The following DPF1 variants were observed in gnomAD, a reference collection of about 807,000 sequenced individuals.
DPF1 encodes the protein double PHD fingers 1.
In DPF1, 14 loss-of-function variants were observed where a neutral mutation model predicts 58.7. That is an observed-to-expected ratio of 0.24 (90% confidence interval 0.16 to 0.37). The LOEUF is 0.37. Ranked by LOEUF, DPF1 falls within the 10% of genes least tolerant of loss-of-function variation. The pLI, the probability that DPF1 is intolerant of heterozygous loss-of-function variation, is 1.00. For missense variants in DPF1, 345 were observed against 529.9 expected, an observed-to-expected ratio of 0.65 and a Z score of 3.43; for synonymous variants, 216 against 216.0, an observed-to-expected ratio of 1.00 and a Z score of 0.00.
rs2288908 is a variant in DPF1 at position 38,218,896 on chromosome 19, G to A, written c.426+35C>T. 1.1e-3 allele frequency: 1,730 copies of A among 1,611,808 alleles called. 8 individuals carry two copies. The East Asian group carries it at 0.018, about 17-fold the overall frequency. ...TGGTGGCAGGCAGGGGTGAGACGAA[G>A]CCATGCAGCGGGGGTCCCCCAGAGG... On this transcript the variant is annotated intron_variant, in intron 4 of 11. Coordinates refer to ENST00000355526, the MANE Select transcript of DPF1 (RefSeq NM_001135155.3).
upstream of DPF1, chr19:38,224,362 G>A (rs1358621021): frequency 2.6e-6 from 3 of 1,145,868 alleles, no homozygotes; most frequent in East Asian, 6.5e-5. This position sits in a 1 kb window ranked among gnomAD's most constrained non-coding sequence, Gnocchi z 4.5. Context: ...CGGCGCGGAG[G>A]AGGGGCCCGG....
Position 38,219,077 on chromosome 19 carries a change from G to C in DPF1, c.299-19C>G, listed in dbSNP as rs543390923. ...TCACAGTCTGGGGACAGGGCCATGG[G>C]GGGGTCAGATGGGGAAGTTGACCCC... On this transcript the variant is annotated intron_variant, in intron 3 of 11. Transcript: ENST00000355526. The C allele has an allele frequency of 1.9e-6, 3 of 1,612,996 alleles. No homozygotes were observed. The highest frequency in any genetic ancestry group is 1.7e-5 in the Admixed American group (1 of 59,958).
chr19:38,217,337 A>T (rs1967096038), intron 7 of DPF1, 123 bp downstream of exon 7: 1 of 1,311,848 alleles, frequency 7.6e-7, no homozygotes, highest in Non-Finnish European at 1.0e-6. Flanking sequence ...CGGTGGGGGG[A>T]GGGAACGGCT....
At chr19:38,218,866 C>CGGGCTGGTGGCAGGCAGGG in intron 4 of DPF1, 65 bp downstream of exon 4, 1 of 1,599,586 alleles carries the variant, frequency 6.3e-7, no homozygotes, top group Non-Finnish European at 8.5e-7. Flanking sequence ...CGTGAGGGCC[C>CGGGCTGGTGGCAGGCAGGG]GGGCTGGTGG....
intron 4 of DPF1, 125 bp from the exon 5 acceptor site, chr19:38,218,787 G>A: frequency 6.5e-7 from 1 of 1,528,526 alleles, no homozygotes; most frequent in South Asian, 1.2e-5. Flanking sequence ...AAATAGAGAT[G>A]AAGTCTGGGA....
intron 9 of DPF1, among the ~76,000 whole-genome samples, chr19:38,214,646 T>C (rs1973721318): frequency 6.6e-6 from 1 of 152,088 alleles, no homozygotes. Flanking sequence ...CCTTGGCCCC[T>C]GTCTCTTGCT....
chr19:38,216,565 G>T, intron 7 of DPF1, 162 bp from the exon 8 acceptor site: 3 of 748,568 alleles, frequency 4.0e-6, no homozygotes, highest in Non-Finnish European at 5.8e-6. Flanking sequence ...AGTTCTCATC[G>T]GGACTCCCAA....
At chr19:38,226,554 A>G (rs1414197369), upstream of DPF1, among the ~76,000 whole-genome samples, 2 of 127,374 alleles carry the variant, frequency 1.6e-5, no homozygotes, top group African/African-American at 6.1e-5. Context: ...CTAGTCTTAG[A>G]CCCTTTCCAC....
Position 38,216,374 on chromosome 19 carries a change from C to A in DPF1, c.757G>T (p.Glu253Ter). The change falls in exon 8 of 12, where the codon GAG becomes TAG. Residue 253 changes from glutamate (E) to a stop codon, truncating the protein, a stop_gained. Transcript: ENST00000355526. LOFTEE classifies it high-confidence loss of function. ...QFYKELAWVP[E>*]AQRKHTAKKA... is the part of the protein sequence containing the mutation. ...GTACCTGTGTGTTTCCTTTGTGCCT[C>A]AGGGACCCAGGCCAATTCTTTGTAA... 6.3e-7 allele frequency: 1 copy of A among 1,598,058 alleles called. No individual in the cohort carries two copies. Among genetic ancestry groups the A allele is most frequent in the Non-Finnish European group, 8.5e-7 (1 of 1,171,366 alleles).
Position 38,212,102 on chromosome 19 carries a change from G to T in DPF1, c.1125C>A (p.His375Gln). 6.2e-7 allele frequency: 1 copy of T among 1,612,334 alleles called. No individual in the cohort carries two copies. The highest frequency in any genetic ancestry group is 8.5e-7 in the Non-Finnish European group (1 of 1,179,756). ...GSWSCHLCLR[H>Q]LKEKASAYIT... is the part of the protein sequence containing the mutation. ...TGTAAGCAGAAGCCTTTTCCTTCAG[G>T]TGCCGGAGACAGAGGTGACAGCTCC... The change falls in exon 12 of 12, where the codon CAC (histidine) becomes CAA (glutamine). Residue 375 changes from histidine (H) to glutamine (Q), a missense_variant. Coordinates refer to ENST00000355526, the MANE Select transcript of DPF1 (RefSeq NM_001135155.3).
At chr19:38,227,440 C>T (rs1001099715), upstream of DPF1, among the ~76,000 whole-genome samples, 1 of 152,048 alleles carries the variant, frequency 6.6e-6, no homozygotes, top group Non-Finnish European at 1.5e-5. Flanking sequence ...CCTTTCTTTC[C>T]TTCTGCCCTA....
At chr19:38,217,766 C>T in intron 6 of DPF1, 32 bp downstream of exon 6, 1 of 1,613,450 alleles carries the variant, frequency 6.2e-7, no homozygotes, top group Non-Finnish European at 8.5e-7. Context: ...GCACCCCTCT[C>T]TCTGCCTTTC....
At chr19:38,226,411 A>G (rs1262475868), upstream of DPF1, among the ~76,000 whole-genome samples, 3 of 150,944 alleles carry the variant, frequency 2.0e-5, no homozygotes, top group African/African-American at 2.4e-5. Context: ...CCCAGCCGAC[A>G]GAAGTGGCCC....
chr19:38,223,565 C>T (rs1306770910), intron 1 of DPF1, among the ~76,000 whole-genome samples: 2 of 152,138 alleles, frequency 1.3e-5, no homozygotes, highest in Admixed American at 6.6e-5. Context: ...CACAAATACA[C>T]GCAGCCCTAC....
At chr19:38,216,793 C>A (rs1967053008) in intron 7 of DPF1, among the ~76,000 whole-genome samples, 1 of 152,194 alleles carries the variant, frequency 6.6e-6, no homozygotes, top group South Asian at 2.1e-4. Context: ...ACTTGGTAGA[C>A]AGCTTGAGGA....
At chr19:38,226,941 C>T, upstream of DPF1, among the ~76,000 whole-genome samples, 1 of 151,916 alleles carries the variant, frequency 6.6e-6, no homozygotes, top group East Asian at 1.9e-4. Context: ...AACAGTCCTC[C>T]TCTACCAGCA....
Position 38,211,184 on chromosome 19 carries a change from CAACA to C in DPF1, c.*875_*878del, listed in dbSNP as rs1212075976. On this transcript the variant is annotated 3_prime_UTR_variant, in exon 12 of 12. Transcript: ENST00000355526. The surrounding 1 kb of genome is among the most constrained non-coding windows in gnomAD (Gnocchi z 4.0). ...CAGTTTCCCTTTTTTAAAACCCGAA[CAACA>C]AACACACACAACCACAAGAAACAAC... The C allele has an allele frequency of 1.3e-5, 2 of 152,346 alleles. No homozygotes were observed. The highest frequency in any genetic ancestry group is 1.9e-4 in the East Asian group (1 of 5,190). 9.4% of individuals were successfully genotyped at this position (152,346 alleles called of 1,614,324 possible).
upstream of DPF1, among the ~76,000 whole-genome samples, chr19:38,228,489 C>A (rs535104765): frequency 1.3e-5 from 2 of 151,450 alleles, no homozygotes; most frequent in African/African-American, 4.8e-5. Context: ...GTCGCCCCGG[C>A]CCCTTTGTGC....
chr19:38,212,395 G>A (rs1973514970), intron 10 of DPF1, 34 bp from the exon 11 acceptor site: 2 of 1,245,594 alleles, frequency 1.6e-6, no homozygotes, highest in African/African-American at 3.1e-5. Context: ...TGGCACCCTG[G>A]GGGCACGGGC....
Sources: gnomAD v4.1 joint callset for allele counts (sites outside exome capture counted in the v4.1 genomes callset) on GRCh38, gnomAD v4.1.1 for gene constraint, Gnocchi (gnomAD v3.1) non-coding constraint, MANE v1.5 for transcripts, NCBI Gene and HGNC (gene_info 2026-07-23, HGNC 2026-07-21) for gene names.